The following KCNAB1 variants were observed in gnomAD, a reference collection of about 807,000 sequenced individuals.
The protein encoded by KCNAB1 is potassium voltage-gated channel subfamily A regulatory beta subunit 1.
In KCNAB1, 35 loss-of-function variants were observed where a neutral mutation model predicts 64.6. That is an observed-to-expected ratio of 0.54 (90% confidence interval 0.41 to 0.72). The LOEUF (loss-of-function observed/expected upper bound fraction) is 0.72. Among genes scored for constraint, KCNAB1 ranks in the 30% least tolerant of loss-of-function variants. KCNAB1 has a pLI of 0.00. For synonymous variants in KCNAB1, 177 were observed against 183.8 expected, an observed-to-expected ratio of 0.96 and a Z score of 0.30; for missense variants, 401 against 512.9, an observed-to-expected ratio of 0.78 and a Z score of 2.11.
At chr3:156,369,024 T>C (rs1239687710) in intron 1 of KCNAB1, among the ~76,000 whole-genome samples, 1 of 152,216 alleles carries the variant, frequency 6.6e-6, no homozygotes, top group Admixed American at 6.5e-5. Flanking sequence ...CATATGCTCA[T>C]GTAACCACAG....
At chr3:156,347,539 A>G (rs1724563743) in intron 1 of KCNAB1, among the ~76,000 whole-genome samples, 1 of 152,104 alleles carries the variant, frequency 6.6e-6, no homozygotes, top group Admixed American at 6.5e-5. Context: ...ATTATAAAAA[A>G]CTCATCCACC....
At chr3:156,467,587 T>A (rs1713513196) in intron 7 of KCNAB1, among the ~76,000 whole-genome samples, 1 of 152,042 alleles carries the variant, frequency 6.6e-6, no homozygotes, top group African/African-American at 2.4e-5. Flanking sequence ...TTGTACTGAC[T>A]TATCTGTCTA....
intron 8 of KCNAB1, among the ~76,000 whole-genome samples, chr3:156,475,804 A>G (rs1714297144): frequency 6.6e-6 from 1 of 151,962 alleles, no homozygotes; most frequent in African/African-American, 2.4e-5. Context: ...AATGATTGAC[A>G]TATTATAAAT....
At chr3:156,528,281 C>T (rs543221003) in intron 12 of KCNAB1, among the ~76,000 whole-genome samples, 54 of 152,138 alleles carry the variant, frequency 3.5e-4, no homozygotes, top group Middle Eastern at 3.4e-3. Context: ...GGCCTGGACA[C>T]GGTAACAGCT....
intron 8 of KCNAB1, 53 bp downstream of exon 8, chr3:156,474,873 G>T: frequency 2.4e-6 from 3 of 1,257,464 alleles, no homozygotes; most frequent in South Asian, 1.2e-5. Flanking sequence ...CAGTTTGAGG[G>T]CTTATTCTGC....
chr3:156,240,240 A>G (rs926520350), intron 1 of KCNAB1, among the ~76,000 whole-genome samples: 3 of 152,160 alleles, frequency 2.0e-5, no homozygotes, highest in African/African-American at 7.2e-5. Context: ...TCTAAGCGAT[A>G]TGGCCTCCTT....
At chr3:156,378,203 A>G (rs1711858404) in intron 1 of KCNAB1, among the ~76,000 whole-genome samples, 1 of 152,114 alleles carries the variant, frequency 6.6e-6, no homozygotes, top group Non-Finnish European at 1.5e-5. Flanking sequence ...AATGCTCCAG[A>G]GTCCAGAGCT....
intron 13 of KCNAB1, among the ~76,000 whole-genome samples, chr3:156,534,110 A>G (rs574760891): frequency 2.0e-5 from 3 of 152,292 alleles, no homozygotes; most frequent in African/African-American, 7.2e-5. Context: ...ACCCAGCACT[A>G]AAGTCCACCC....
At chr3:156,483,313 G>C (rs1205997743) in intron 8 of KCNAB1, among the ~76,000 whole-genome samples, 2 of 152,146 alleles carry the variant, frequency 1.3e-5, no homozygotes, top group Non-Finnish European at 2.9e-5. Flanking sequence ...TGCATTCCTT[G>C]CACAGAGGAT....
chr3:156,267,201 G>A (rs534588702), intron 1 of KCNAB1, among the ~76,000 whole-genome samples: 63 of 152,000 alleles, frequency 4.1e-4, no homozygotes, highest in Admixed American at 1.5e-3. Context: ...ATTATTTTGC[G>A]GGCTGCTTTT....
At chr3:156,223,838 A>T (rs1715956912) in intron 1 of KCNAB1, among the ~76,000 whole-genome samples, 1 of 152,228 alleles carries the variant, frequency 6.6e-6, no homozygotes, top group Non-Finnish European at 1.5e-5. Flanking sequence ...TCAGGAGCCC[A>T]GCTGGCTTCA....
chr3:156,182,758 G>C (rs1295779836), intron 1 of KCNAB1, among the ~76,000 whole-genome samples: 1 of 148,014 alleles, frequency 6.8e-6, no homozygotes, highest in Non-Finnish European at 1.5e-5. Context: ...GAGTGCACTG[G>C]TGCCATCTCG....
chr3:156,185,309 T>C (rs2108352515), intron 1 of KCNAB1, among the ~76,000 whole-genome samples: 1 of 152,298 alleles, frequency 6.6e-6, no homozygotes, highest in African/African-American at 2.4e-5. Flanking sequence ...CAAGCCCATG[T>C]CCCTGTTACC....
chr3:156,352,969 G>GATGCC (rs2108088493), intron 1 of KCNAB1, among the ~76,000 whole-genome samples: 1 of 152,378 alleles, frequency 6.6e-6, no homozygotes, highest in South Asian at 2.1e-4. Context: ...GAGCAGCACA[G>GATGCC]ATGCCTGGGC....
At chr3:156,320,787 G>A (rs908760453) in intron 1 of KCNAB1, among the ~76,000 whole-genome samples, 2 of 152,138 alleles carry the variant, frequency 1.3e-5, no homozygotes, top group African/African-American at 4.8e-5. Context: ...TCACCATCAC[G>A]TGTCCACATC....
intron 1 of KCNAB1, among the ~76,000 whole-genome samples, chr3:156,332,356 T>C (rs1055006856): frequency 3.3e-5 from 5 of 152,208 alleles, no homozygotes; most frequent in African/African-American, 9.7e-5. Flanking sequence ...TCAAGTTTAG[T>C]CATCCAATTT....
rs1713660553 is a variant in KCNAB1, at chr3:156,469,104, A to G, written c.571+3418A>G. ...AAGAGAGATTCGGAAAATGGTTCACACTGGCAGTTAGCAAAGAAATATAAA... is the reference window on the plus strand; with the variant it reads ...AAGAGAGATTCGGAAAATGGTTCACGCTGGCAGTTAGCAAAGAAATATAAA... On this transcript the variant is annotated intron_variant, in intron 7 of 13. Transcript: ENST00000490337. 1.3e-5 allele frequency among the ~76,000 whole-genome samples: 2 copies of G among 152,346 alleles called. 1 individual carries two copies. Among genetic ancestry groups the G allele is most frequent in the Middle Eastern group, 6.8e-3 (2 of 294 alleles).
chr3:156,393,160 G>A (rs137979144), intron 1 of KCNAB1, among the ~76,000 whole-genome samples: 1 of 152,274 alleles, frequency 6.6e-6, no homozygotes, highest in East Asian at 1.9e-4. Flanking sequence ...CCCTCTAAGA[G>A]GGGCTCCAGA....
intron 1 of KCNAB1, among the ~76,000 whole-genome samples, chr3:156,395,868 C>T (rs556527906): frequency 2.6e-5 from 4 of 152,224 alleles, no homozygotes; most frequent in South Asian, 2.1e-4. Flanking sequence ...CTCCAGTGCA[C>T]GGGAAAAGCA....
Sources: gnomAD v4.1 joint callset for allele counts (sites outside exome capture counted in the v4.1 genomes callset) on GRCh38, gnomAD v4.1.1 for gene constraint, MANE v1.5 for transcripts, NCBI Gene and HGNC (gene_info 2026-07-23, HGNC 2026-07-21) for gene names.